Variants in DAB1 observed in about 807,000 individuals in gnomAD.
The protein encoded by DAB1 is disabled homolog 1.
Under a neutral mutation model 64.6 loss-of-function variants are expected in DAB1, and 15 were observed. The observed-to-expected ratio is 0.23, with a 90% CI of 0.16 to 0.36. The LOEUF is 0.36. Among genes scored for constraint, DAB1 ranks in the 10% least tolerant of loss-of-function variants. The pLI, the probability that DAB1 is intolerant of heterozygous loss-of-function variation, is 1.00. For missense variants in DAB1, 596 were observed against 706.7 expected (o/e 0.84, Z 1.78); for synonymous variants, 235 against 251.9 (o/e 0.93, Z 0.64).
chr1:57,336,744 T>A (rs1187085991), intron 1 of DAB1, among the ~76,000 whole-genome samples: 2 of 152,220 alleles, frequency 1.3e-5, no homozygotes, highest in African/African-American at 4.8e-5. Context: ...TACCCCTCTA[T>A]GTCTACCCTG....
intron 5 of DAB1, among the ~76,000 whole-genome samples, chr1:57,891,532 C>T (rs568538555): frequency 3.5e-4 from 53 of 152,306 alleles, no homozygotes; most frequent in African/African-American, 1.3e-3. Context: ...GATTATAAAT[C>T]ATGCTACTAT....
chr1:57,778,479 G>A (rs1394453154), intron 6 of DAB1, among the ~76,000 whole-genome samples: 1 of 151,898 alleles, frequency 6.6e-6, no homozygotes, highest in Non-Finnish European at 1.5e-5. Flanking sequence ...ACATTCCTGA[G>A]CTGTCTAGTG....
intron 3 of DAB1, among the ~76,000 whole-genome samples, chr1:58,504,402 T>C (rs1645954075): frequency 6.6e-6 from 1 of 152,212 alleles, no homozygotes; most frequent in South Asian, 2.1e-4. Flanking sequence ...CTAAAGGACT[T>C]GCTCCCGTGC....
At chr1:57,150,039 C>T (rs1469488711) in intron 2 of DAB1, among the ~76,000 whole-genome samples, 1 of 152,088 alleles carries the variant, frequency 6.6e-6, no homozygotes. Flanking sequence ...AGACAATAGG[C>T]CTTGATGGTC....
intron 5 of DAB1, among the ~76,000 whole-genome samples, chr1:57,918,173 C>T (rs1644756958): frequency 6.6e-6 from 1 of 151,410 alleles, no homozygotes; most frequent in African/African-American, 2.4e-5. Flanking sequence ...CAATAAAGCC[C>T]TTAAAACAAA....
chr1:57,538,951 G>A (rs575473880), intron 7 of DAB1, among the ~76,000 whole-genome samples: 1 of 152,206 alleles, frequency 6.6e-6, no homozygotes, highest in East Asian at 1.9e-4. Flanking sequence ...CAGGGAACAA[G>A]GGGCAAAATG....
chr1:58,367,951 C>T (rs1644231515), intron 3 of DAB1, among the ~76,000 whole-genome samples: 1 of 152,178 alleles, frequency 6.6e-6, no homozygotes, highest in Non-Finnish European at 1.5e-5. Context: ...CTTCTGGATG[C>T]AGTATAGACT....
At chr1:57,136,508 A>G in intron 4 of DAB1, 35 bp downstream of exon 4, 1 of 1,300,294 alleles carries the variant, frequency 7.7e-7, no homozygotes, top group East Asian at 2.5e-5. Flanking sequence ...GTCAATGGAT[A>G]AAATTTCACA....
At chr1:57,805,944 C>T (rs1651340778) in intron 6 of DAB1, among the ~76,000 whole-genome samples, 1 of 152,182 alleles carries the variant, frequency 6.6e-6, no homozygotes, top group African/African-American at 2.4e-5. Context: ...CACTATGTTC[C>T]TCCATTTTCC....
intron 6 of DAB1, among the ~76,000 whole-genome samples, chr1:57,683,842 G>A (rs1285761360): frequency 6.6e-6 from 1 of 152,188 alleles, no homozygotes; most frequent in Non-Finnish European, 1.5e-5. Context: ...AGATTCAGGA[G>A]AAAATTGAAA....
chr1:58,447,860 A>ACAAAC lies in DAB1; in HGVS notation n.257+58199_257+58200insGTTTG, dbSNP rs1553183231. The stretch of plus-strand genomic sequence containing the variant: ...ACTCAACTAAAAATGACTTAAACAA[A>ACAAAC]AAAAAAAAAAAAGTCTTATGCAATA... On this transcript the variant is annotated intron_variant and non_coding_transcript_variant, in intron 3 of 20. Transcript: ENST00000485760. Among the ~76,000 whole-genome samples the ACAAAC allele has an allele frequency of 3.2e-3, 479 of 151,220 alleles. 1 individual carries two copies. The highest frequency in any genetic ancestry group is 0.011 in the African/African-American group (439 of 41,118).
At chr1:57,227,519 TTGTGTGTGTGTGTGTG>T (rs57671970) in intron 2 of DAB1, among the ~76,000 whole-genome samples, 59 of 135,810 alleles carry the variant, frequency 4.3e-4, no homozygotes, top group African/African-American at 1.5e-3. Context: ...TTTTTTTCTT[TTGTGTGTGTGTGTGTG>T]TGTGTGTGTG....
intron 7 of DAB1, among the ~76,000 whole-genome samples, chr1:57,476,827 G>A (rs1305878046): frequency 1.3e-5 from 2 of 152,160 alleles, no homozygotes; most frequent in Non-Finnish European, 2.9e-5. Flanking sequence ...TGTTAAAGAG[G>A]AGCTGTTCAA....
At chr1:58,493,702 A>G (rs186822) in intron 3 of DAB1, among the ~76,000 whole-genome samples, 2 of 151,594 alleles carry the variant, frequency 1.3e-5, no homozygotes. Context: ...TAGGAATCCA[A>G]CTTACAAGGG....
At chr1:57,659,328 C>T (rs1646357141) in intron 6 of DAB1, among the ~76,000 whole-genome samples, 1 of 152,160 alleles carries the variant, frequency 6.6e-6, no homozygotes, top group South Asian at 2.1e-4. Flanking sequence ...TTAATAAACC[C>T]TGCAAAATAC....
chr1:57,599,029 GTTTTTATTTT>G (rs1645544741), intron 7 of DAB1, among the ~76,000 whole-genome samples: 1 of 151,488 alleles, frequency 6.6e-6, no homozygotes, highest in African/African-American at 2.4e-5. Context: ...CTCCAGGCAT[GTTTTTATTTT>G]TTTTCTGCAC....
chr1:58,167,252 T>G (rs1655890292), intron 4 of DAB1, among the ~76,000 whole-genome samples: 1 of 152,198 alleles, frequency 6.6e-6, no homozygotes, highest in Non-Finnish European at 1.5e-5. Context: ...CAATCAGCAC[T>G]CTGTAAAAAT....
intron 7 of DAB1, among the ~76,000 whole-genome samples, chr1:57,478,919 A>G (rs2101231498): frequency 6.6e-6 from 1 of 152,086 alleles, no homozygotes; most frequent in Non-Finnish European, 1.5e-5. Flanking sequence ...TTCTTTTGCT[A>G]AGTCTACTGA....
intron 7 of DAB1, among the ~76,000 whole-genome samples, chr1:57,467,985 G>A (rs903346294): frequency 3.3e-5 from 5 of 152,164 alleles, no homozygotes; most frequent in African/African-American, 1.2e-4. Flanking sequence ...CTGAGTGCTT[G>A]GAATAGACAC....
Sources: gnomAD v4.1 joint callset for allele counts (sites outside exome capture counted in the v4.1 genomes callset) on GRCh38, gnomAD v4.1.1 for gene constraint, MANE v1.5 for transcripts, NCBI Gene and HGNC (gene_info 2026-07-23, HGNC 2026-07-21) for gene names.